The following CSRNP3 variants were observed in gnomAD, a reference collection of about 807,000 sequenced individuals.
The protein encoded by CSRNP3 is cysteine and serine rich nuclear protein 3, also known as cysteine/serine-rich nuclear protein 3.
Under a neutral mutation model 48.0 loss-of-function variants are expected in CSRNP3, and 12 were observed. The ratio of observed to expected loss-of-function variants is 0.25; its 90% confidence interval spans 0.16 to 0.41. The LOEUF is 0.41. Ranked by LOEUF, CSRNP3 falls within the 10% of genes least tolerant of loss-of-function variation. The pLI, the probability that CSRNP3 is intolerant of heterozygous loss-of-function variation, is 1.00. For missense variants in CSRNP3, 580 were observed against 724.4 expected (o/e 0.80, Z 2.29); for synonymous variants, 263 against 269.7 (o/e 0.98, Z 0.24).
chr2:165,666,050 A>AGGGAAG (rs372672347), intron 5 of CSRNP3, among the ~76,000 whole-genome samples: 1 of 103,088 alleles, frequency 9.7e-6, no homozygotes, highest in Non-Finnish European at 1.9e-5. Context: ...GAAGGAAGGA[A>AGGGAAG]AGAGAGAGGA....
chr2:165,652,103 C>A (rs566289149), intron 4 of CSRNP3, among the ~76,000 whole-genome samples: 1 of 152,176 alleles, frequency 6.6e-6, no homozygotes, highest in Non-Finnish European at 1.5e-5. Context: ...ATATGCTGAA[C>A]ATAATGGTGT....
At chr2:165,613,514 GA>G (rs1686175202) in intron 4 of CSRNP3, among the ~76,000 whole-genome samples, 1 of 152,058 alleles carries the variant, frequency 6.6e-6, no homozygotes, top group Non-Finnish European at 1.5e-5. Flanking sequence ...TTTCTTCTGA[GA>G]GTTTTATGGT....
intron 4 of CSRNP3, among the ~76,000 whole-genome samples, chr2:165,624,350 G>T (rs954259302): frequency 3.3e-5 from 5 of 152,306 alleles, no homozygotes; most frequent in African/African-American, 1.2e-4. Flanking sequence ...CTTCATGCCT[G>T]CTCTATAGAA....
intron 2 of CSRNP3, among the ~76,000 whole-genome samples, chr2:165,512,774 G>A (rs1684524392): frequency 6.6e-6 from 1 of 152,150 alleles, no homozygotes; most frequent in Non-Finnish European, 1.5e-5. Context: ...ATTATAAATA[G>A]AATTAATATG....
chr2:165,542,296 A>G (rs1374281949), intron 3 of CSRNP3, among the ~76,000 whole-genome samples: 1 of 152,190 alleles, frequency 6.6e-6, no homozygotes, highest in Non-Finnish European at 1.5e-5. Flanking sequence ...TTCGAAAGAA[A>G]AATGCCCATA....
At chr2:165,516,814 A>G (rs889886774) in intron 2 of CSRNP3, among the ~76,000 whole-genome samples, 1 of 152,100 alleles carries the variant, frequency 6.6e-6, no homozygotes, top group Non-Finnish European at 1.5e-5. Flanking sequence ...CAGCATATCT[A>G]TGTAGATATT....
chr2:165,553,715 A>T (rs1685128132), intron 3 of CSRNP3, among the ~76,000 whole-genome samples: 1 of 152,034 alleles, frequency 6.6e-6, no homozygotes, highest in Non-Finnish European at 1.5e-5. Flanking sequence ...GTCATTATGG[A>T]TGTTTATGTT....
intron 2 of CSRNP3, among the ~76,000 whole-genome samples, chr2:165,500,336 C>CAT (rs1393757904): frequency 6.7e-6 from 1 of 148,972 alleles, no homozygotes; most frequent in African/African-American, 2.5e-5. Flanking sequence ...GGAATATATA[C>CAT]ATATGTATAT....
chr2:165,499,042 A>C (rs1212879569), intron 2 of CSRNP3, among the ~76,000 whole-genome samples: 1 of 152,182 alleles, frequency 6.6e-6, no homozygotes, highest in African/African-American at 2.4e-5. Context: ...CTTGTTAGAG[A>C]ATCACATCCT....
chr2:165,505,899 G>A (rs1296973403), intron 2 of CSRNP3, among the ~76,000 whole-genome samples: 3 of 152,120 alleles, frequency 2.0e-5, no homozygotes, highest in East Asian at 1.9e-4. Context: ...TAATGATTAC[G>A]GTTATATTAG....
chr2:165,583,363 C>T (rs1231775278), intron 3 of CSRNP3, among the ~76,000 whole-genome samples: 1 of 152,070 alleles, frequency 6.6e-6, no homozygotes, highest in African/African-American at 2.4e-5. Context: ...CAATTACATT[C>T]AATATGGCTT....
chr2:165,571,141 T>A (rs1685367573), intron 3 of CSRNP3, among the ~76,000 whole-genome samples: 1 of 151,970 alleles, frequency 6.6e-6, no homozygotes, highest in African/African-American at 2.4e-5. Context: ...CACTTTTTAA[T>A]TACTGAATTA....
rs1161352212 is a variant in CSRNP3 at position 165,679,550 on chromosome 2, T to C, written c.1555T>C (p.Tyr519His). 6 of 1,613,814 alleles carry C rather than the reference T, an allele frequency of 3.7e-6. No homozygotes were observed. The highest frequency in any genetic ancestry group is 4.5e-5 in the East Asian group (2 of 44,822). Residue 519 changes from tyrosine to histidine, a missense_variant, in exon 7 of 7, where the codon TAT becomes CAT. Physicochemically the swap from Tyr to His is moderately conservative, Grantham distance 83. This residue lies in a region of CSRNP3 where 369 missense variants were observed against 380.8 expected (regional missense o/e 0.97). Transcript: ENST00000651982. ...NDSGVPCNSL[Y>H]PEHRSNHPQV... ...TAGCGGTGTGCCCTGCAATAGTTTA[T>C]ATCCTGAACACAGGTCCAATCACCC... is the stretch of plus-strand genomic sequence containing the variant.
At chr2:165,600,269 C>T (rs9750673) in intron 4 of CSRNP3, among the ~76,000 whole-genome samples, 112,216 of 140,228 alleles carry the variant, frequency 0.8, 45,230 homozygotes, top group Non-Finnish European at 0.83. Context: ...GAACTCATCA[C>T]TTTTTATGGC....
At chr2:165,506,783 G>A (rs1285413630) in intron 2 of CSRNP3, among the ~76,000 whole-genome samples, 2 of 152,164 alleles carry the variant, frequency 1.3e-5, no homozygotes, top group Admixed American at 6.5e-5. Context: ...ACTGGAACCT[G>A]ACTGACAACC....
intron 4 of CSRNP3, among the ~76,000 whole-genome samples, chr2:165,602,027 A>G (rs1321219360): frequency 6.6e-6 from 1 of 152,194 alleles, no homozygotes; most frequent in Non-Finnish European, 1.5e-5. Flanking sequence ...CGATACAGTG[A>G]TAAATTATGT....
intron 4 of CSRNP3, among the ~76,000 whole-genome samples, chr2:165,609,555 T>G (rs941396889): frequency 6.8e-6 from 1 of 146,888 alleles, no homozygotes; most frequent in African/African-American, 2.5e-5. Flanking sequence ...AAAAAAAAAG[T>G]ACACTGTCTG....
At chr2:165,485,038 C>A (rs997729351) in intron 1 of CSRNP3, among the ~76,000 whole-genome samples, 1 of 152,118 alleles carries the variant, frequency 6.6e-6, no homozygotes, top group African/African-American at 2.4e-5. Flanking sequence ...CTGGTTACCA[C>A]AACAAAATAT....
At position 165,679,904 on chromosome 2, in the gene CSRNP3, C is replaced by A; in HGVS notation, c.*151C>A. On this transcript the variant is annotated 3_prime_UTR_variant, in exon 7 of 7. Coordinates refer to ENST00000651982, the MANE Select transcript of CSRNP3 (RefSeq NM_001172173.2). ...CTGTATTTTGTTTTTTCCTTTCTAG[C>A]CACATGACTGTGGCATTGCACAAAT... 1.9e-6 allele frequency: 2 copies of A among 1,065,014 alleles called. No individual in the cohort carries two copies. Among genetic ancestry groups the A allele is most frequent in the South Asian group, 1.6e-5 (1 of 62,682 alleles). The allele number at this position is 1,065,014 out of a possible 1,614,324, so 66.0% of individuals were successfully genotyped here. A position where few individuals can be genotyped will look rare whatever the true frequency, so the allele number is the denominator to read the frequency against.
Sources: allele counts gnomAD v4.1 joint callset (sites outside exome capture counted in the v4.1 genomes callset), GRCh38; gene constraint gnomAD v4.1.1; regional missense constraint gnomAD v4.1.1; transcripts MANE v1.5; gene names NCBI Gene and HGNC (gene_info 2026-07-23, HGNC 2026-07-21).